The following DMD variants were observed in gnomAD, a reference collection of about 807,000 sequenced individuals.
DMD encodes mutant dystrophin.
Under a neutral mutation model 330.1 loss-of-function variants are expected in DMD, and 63 were observed. The observed-to-expected ratio is 0.19, with a 90% CI of 0.16 to 0.24. DMD has a LOEUF of 0.24. DMD is among the 10% of genes least tolerant of loss of function. The pLI is 1.00. For synonymous variants in DMD, 1,223 were observed against 959.8 expected, an observed-to-expected ratio of 1.27 and a Z score of -5.07; for missense variants, 3,344 against 2,684.1, an observed-to-expected ratio of 1.25 and a Z score of -5.43.
At chrX:33,164,128 T>C (rs1290598655) in intron 1 of DMD, among the ~76,000 whole-genome samples, 1 of 111,679 alleles carries the variant, frequency 9.0e-6, no homozygotes. Flanking sequence ...TTCATGCCCA[T>C]AAAGGTTGTT....
At chrX:32,734,916 G>A (rs1428227338) in intron 7 of DMD, among the ~76,000 whole-genome samples, 1 of 102,333 alleles carries the variant, frequency 9.8e-6, no homozygotes, top group South Asian at 4.6e-4. Context: ...TCTGGCCAGG[G>A]CAATTAGGCA....
At chrX:32,823,113 C>T (rs1035287232) in intron 5 of DMD, among the ~76,000 whole-genome samples, 182 bp downstream of exon 5, 11 of 111,593 alleles carry the variant, frequency 9.9e-5, no homozygotes, top group Non-Finnish European at 1.9e-4. Context: ...GTACCAGAAC[C>T]TATTTTATAC....
chrX:32,877,123 G>A (rs1488019847), intron 2 of DMD, among the ~76,000 whole-genome samples: 1 of 111,892 alleles, frequency 8.9e-6, no homozygotes, highest in Non-Finnish European at 1.9e-5. Context: ...TCAGTCTTAA[G>A]AGGTTTCTGC....
At chrX:31,192,251 C>G (rs2042444657) in intron 67 of DMD, among the ~76,000 whole-genome samples, 2 of 112,264 alleles carry the variant, frequency 1.8e-5, no homozygotes, top group South Asian at 7.4e-4. Flanking sequence ...GATAAAAAGA[C>G]TCTATAAAAC....
chrX:32,539,083 C>A (rs1258118076), intron 17 of DMD, among the ~76,000 whole-genome samples: 1 of 110,839 alleles, frequency 9.0e-6, no homozygotes, highest in Non-Finnish European at 1.9e-5. Flanking sequence ...TTGATTTATT[C>A]TTGATGCATA....
intron 44 of DMD, among the ~76,000 whole-genome samples, chrX:32,196,232 A>C (rs2096999539): frequency 1.8e-5 from 2 of 112,458 alleles, no homozygotes; most frequent in Admixed American, 9.4e-5. Context: ...TCAGTAATGT[A>C]AAGAAATAAT....
chrX:31,712,745 A>G (rs1441707328), intron 52 of DMD, among the ~76,000 whole-genome samples: 1 of 111,436 alleles, frequency 9.0e-6, no homozygotes, highest in Non-Finnish European at 1.9e-5. Flanking sequence ...AGACAACTTT[A>G]TCTGCCTTTG....
chrX:32,747,654 A>AT (rs112805459), intron 7 of DMD, among the ~76,000 whole-genome samples: 19 of 108,175 alleles, frequency 1.8e-4, no homozygotes, highest in East Asian at 8.8e-4. Flanking sequence ...CACCTCGCTA[A>AT]TTTTTTTTTT....
intron 45 of DMD, among the ~76,000 whole-genome samples, chrX:31,958,299 C>T (rs1332255052): frequency 1.8e-5 from 2 of 109,470 alleles, no homozygotes; most frequent in Non-Finnish European, 1.9e-5. Flanking sequence ...CTTGTATTGA[C>T]CATTTGCAGT....
intron 9 of DMD, among the ~76,000 whole-genome samples, chrX:32,676,267 G>A (rs2061960403): frequency 9.0e-6 from 1 of 110,980 alleles, no homozygotes. Flanking sequence ...CCTGTTCTGG[G>A]AATGGCTCAA....
chrX:32,720,558 G>T (rs1033002430), intron 7 of DMD, among the ~76,000 whole-genome samples: 1 of 111,467 alleles, frequency 9.0e-6, no homozygotes, highest in African/African-American at 3.3e-5. Context: ...GTCCATGGGT[G>T]TTGAATAAGC....
chrX:32,638,711 C>T (rs577994308), intron 11 of DMD, among the ~76,000 whole-genome samples: 3 of 111,921 alleles, frequency 2.7e-5, no homozygotes, highest in South Asian at 7.5e-4. Flanking sequence ...GCAACGAATT[C>T]AATTCCAAGA....
At chrX:31,601,797 C>T (rs999274251) in intron 55 of DMD, among the ~76,000 whole-genome samples, 1 of 111,452 alleles carries the variant, frequency 9.0e-6, no homozygotes, top group Non-Finnish European at 1.9e-5. Context: ...TACACAATAA[C>T]CATATTTTGG....
chrX:32,450,839 G>T (rs188972354), intron 26 of DMD, among the ~76,000 whole-genome samples: 165 of 110,772 alleles, frequency 1.5e-3, no homozygotes, highest in Non-Finnish European at 2.0e-3. Context: ...TTCTTTCCAT[G>T]GTTTTTAGAC....
intron 1 of DMD, among the ~76,000 whole-genome samples, chrX:33,261,627 AACACACACACACAC>A (rs56984530): frequency 1.1e-5 from 1 of 89,115 alleles, no homozygotes; most frequent in African/African-American, 4.1e-5. Context: ...ATACGGGAAG[AACACACACACACAC>A]ACACACACAC....
intron 55 of DMD, among the ~76,000 whole-genome samples, chrX:31,571,639 A>G (rs2075826253): frequency 9.0e-6 from 1 of 111,245 alleles, no homozygotes; most frequent in South Asian, 3.8e-4. Flanking sequence ...TATCTTCATC[A>G]TCGCAGAGAA....
chrX:32,931,023 A>G (rs1177964328), intron 2 of DMD, among the ~76,000 whole-genome samples: 2 of 108,021 alleles, frequency 1.9e-5, no homozygotes, highest in Non-Finnish European at 3.8e-5. Context: ...ATTAATACAT[A>G]TTAACAATTA....
At chrX:32,807,398 G>C (rs1160699237) in intron 7 of DMD, among the ~76,000 whole-genome samples, 1 of 111,200 alleles carries the variant, frequency 9.0e-6, no homozygotes, top group Non-Finnish European at 1.9e-5. Flanking sequence ...TATATAGAAA[G>C]GCTTTACAGA....
intron 44 of DMD, among the ~76,000 whole-genome samples, chrX:32,106,571 C>T (rs935651380): frequency 8.1e-5 from 9 of 111,570 alleles, no homozygotes; most frequent in African/African-American, 2.9e-4. Context: ...TCCACTTCAG[C>T]TTCTGTAGTC....
Sources: gnomAD v4.1 joint callset for allele counts (sites outside exome capture counted in the v4.1 genomes callset) on GRCh38, gnomAD v4.1.1 for gene constraint, MANE v1.5 for transcripts, NCBI Gene and HGNC (gene_info 2026-07-23, HGNC 2026-07-21) for gene names.